Variants in POLR2E observed in about 807,000 individuals in gnomAD.
The protein encoded by POLR2E is DNA-directed RNA polymerases I, II, and III subunit RPABC1.
In POLR2E, 35 loss-of-function variants were observed where a neutral mutation model predicts 29.8. The ratio of observed to expected loss-of-function variants is 1.17; its 90% CI spans 0.90 to 1.55. The LOEUF (loss-of-function observed/expected upper bound fraction) is 1.55. Ranked by LOEUF, POLR2E falls within the 40% of genes most tolerant of loss-of-function variation. The pLI, the probability that POLR2E is intolerant of heterozygous loss-of-function variation, is 0.00. For missense variants in POLR2E, 287 were observed against 288.6 expected (o/e 0.99, Z 0.04); for synonymous variants, 174 against 112.6 (o/e 1.55, Z -3.45).
chr19:1,092,437 C>G (rs867107413), intron 2 of POLR2E: 2 of 152,878 alleles, frequency 1.3e-5, no homozygotes, highest in African/African-American at 4.8e-5. Context: ...CGCGGTGGCT[C>G]GCACCTGTAA....
intron 3 of POLR2E, chr19:1,091,569 C>A (rs1367936002): frequency 1.8e-6 from 1 of 567,330 alleles, no homozygotes; most frequent in East Asian, 3.0e-5. Context: ...CGCCCTGACG[C>A]CCCTCCTGAG....
At chr19:1,089,780 G>A (rs1019162438) in intron 6 of POLR2E, 104 bp downstream of exon 6, 9 of 970,022 alleles carry the variant, frequency 9.3e-6, no homozygotes, top group Admixed American at 4.2e-5. Flanking sequence ...TCCCCTCCAG[G>A]CCCTGGATCA....
chr19:1,089,347 C>T (rs1312915774), intron 7 of POLR2E, 125 bp downstream of exon 7: 2 of 650,398 alleles, frequency 3.1e-6, no homozygotes, highest in Non-Finnish European at 5.4e-6. Context: ...GCCTGGTGGC[C>T]CAGCTGGGCT....
intron 3 of POLR2E, 68 bp from the exon 4 acceptor site, chr19:1,091,056 C>G (rs1178956605): frequency 8.7e-6 from 12 of 1,386,796 alleles, no homozygotes; most frequent in Non-Finnish European, 1.0e-5. Flanking sequence ...TTTCCTGCCT[C>G]AAGCTACCTG....
At chr19:1,090,351 G>T (rs928013682) in intron 4 of POLR2E, among the ~76,000 whole-genome samples, 1 of 148,690 alleles carries the variant, frequency 6.7e-6, no homozygotes, top group South Asian at 2.2e-4. Flanking sequence ...TGAGGCAGAC[G>T]GGCTGGGCAC....
intron 1 of POLR2E, chr19:1,094,353 G>A (rs2043898943): frequency 2.2e-6 from 1 of 448,362 alleles, no homozygotes; most frequent in Non-Finnish European, 3.9e-6. Context: ...AGGGAGCAAA[G>A]CCCTCCAAAC....
chr19:1,090,699 T>A (rs952140204), intron 4 of POLR2E, among the ~76,000 whole-genome samples: 2 of 151,974 alleles, frequency 1.3e-5, no homozygotes, highest in South Asian at 2.1e-4. Flanking sequence ...ATTACATGTG[T>A]GAGCCACCGC....
chr19:1,093,943 T>G lies in POLR2E; in HGVS notation c.193A>C (p.Asn65His). 1 of 1,611,928 alleles carries G rather than the reference T, an allele frequency of 6.2e-7. No individual in the cohort carries two copies. The highest frequency in any genetic ancestry group is 8.5e-7 in the Non-Finnish European group (1 of 1,179,210). Residue 65 changes from asparagine (N) to histidine (H), a missense_variant, in exon 2 of 8, where the codon AAC becomes CAC. Physicochemically the swap from Asn to His is moderately conservative, Grantham distance 68 (BLOSUM62 1). Transcript: ENST00000615234. ...AACATCTGGTCGGTGGGGTCATCGT[T>G]GTGGGCCACCAGCACGGTGAGGTCC... The part of the protein sequence containing the change: ...RTDLTVLVAH[N>H]DDPTDQMFVF...
In POLR2E at chr19:1,087,051, C is replaced by A. The variant is rs1161844576; in HGVS notation, c.*1684G>T. On this transcript the variant is annotated 3_prime_UTR_variant, in exon 8 of 8. Coordinates refer to ENST00000615234, the MANE Select transcript of POLR2E (RefSeq NM_002695.5). ...TGTGGCCCAGGCTGGAGTACAGGAG[C>A]ACAATCGTAGCTCACTGCAGCCTCG... The A allele has an allele frequency of 6.6e-6, 1 of 151,556 alleles. No individual in the cohort carries two copies. The highest frequency in any genetic ancestry group is 1.5e-5 in the Non-Finnish European group (1 of 67,940). 9.4% of individuals were successfully genotyped at this position (151,556 alleles called of 1,614,324 possible).
rs760011436 is a variant in POLR2E, at chr19:1,091,836, C to G, written c.304G>C (p.Ala102Pro). The G allele has an allele frequency of 1.2e-6, 2 of 1,612,868 alleles. No homozygotes were observed. Among genetic ancestry groups the G allele is most frequent in the African/African-American group, 1.3e-5 (1 of 74,904 alleles). ...ATGCCCTGCTGCACCACGATGAGAG[C>G]CCGTGTGATGTTCTCCTCCTGCATG... ...QRMQEENITR[A>P]LIVVQQGMTP... Residue 102 changes from alanine (A) to proline (P), a missense_variant, in exon 3 of 8, where the codon GCT becomes CCT. Physicochemically the swap from Ala to Pro is conservative, Grantham distance 27. Transcript: ENST00000615234.
rs762125300 is a variant in POLR2E at position 1,089,483 on chromosome 19, T to C, written c.*3A>G. On this transcript the variant is annotated 3_prime_UTR_variant, in exon 7 of 8. Coordinates refer to ENST00000615234, the MANE Select transcript of POLR2E (RefSeq NM_002695.5). ...CTCGGCCGTCTCACCTGTCAGGCGGTAGCTACTGCACCAGCCGGTAGGTGA... is the reference window on the plus strand; with the variant it reads ...CTCGGCCGTCTCACCTGTCAGGCGGCAGCTACTGCACCAGCCGGTAGGTGA... The C allele has an allele frequency of 2.6e-5, 42 of 1,611,700 alleles. No homozygotes were observed. The highest frequency in any genetic ancestry group is 3.2e-5 in the Non-Finnish European group (38 of 1,178,334).
chr19:1,093,720 G>A (rs78560710), intron 2 of POLR2E, 184 bp downstream of exon 2: 1 of 1,387,386 alleles, frequency 7.2e-7, no homozygotes, highest in Non-Finnish European at 9.3e-7. Context: ...AAGAAGCTGA[G>A]CATGAGAGGG....
rs2043677369 is a variant in POLR2E, at chr19:1,086,714, GC to G, written c.*2020del. The G allele has an allele frequency of 6.6e-6, 1 of 151,976 alleles. No individual in the cohort carries two copies. Among genetic ancestry groups the G allele is most frequent in the Non-Finnish European group, 1.5e-5 (1 of 67,744 alleles). 9.4% of individuals were successfully genotyped at this position (151,976 alleles called of 1,614,324 possible). A position where few individuals can be genotyped will look rare whatever the true frequency, so the allele number is the denominator to read the frequency against. On this transcript the variant is annotated 3_prime_UTR_variant, in exon 8 of 8. Transcript: ENST00000615234. ...AGGGGCCAGGGAGGGGACAGAGAGA[GC>G]CCCGTGGCGTGGCCCTGGGCCTCCC...
At chr19:1,089,685 G>C in intron 6 of POLR2E, 134 bp from the exon 7 acceptor site, 1 of 833,432 alleles carries the variant, frequency 1.2e-6, no homozygotes, top group East Asian at 2.6e-5. Flanking sequence ...TGTGGGACCC[G>C]CTCCCTGGGA....
Position 1,093,914 on chromosome 19 carries a change from C to T in POLR2E, c.222G>A (p.Val74=). ...GGACCCGCTGCTCACCTGGAAAGAA[C>T]ACAAACATCTGGTCGGTGGGGTCAT... ...HNDDPTDQMF[V]FFPEEPKVGI... is the part of the protein sequence containing the mutation. The change falls in exon 2 of 8, where the codon GTG becomes GTA. Residue 74 remains valine, a synonymous_variant. Transcript: ENST00000615234. The T allele has an allele frequency of 6.2e-7, 1 of 1,600,214 alleles. No individual in the cohort carries two copies. Among genetic ancestry groups the T allele is most frequent in the Non-Finnish European group, 8.5e-7 (1 of 1,172,814 alleles).
In POLR2E at chr19:1,086,951, C is replaced by A. The variant is rs2043692730; in HGVS notation, c.*1784G>T. The A allele has an allele frequency of 6.6e-6, 1 of 152,092 alleles. No individual in the cohort carries two copies. The highest frequency in any genetic ancestry group is 1.5e-5 in the Non-Finnish European group (1 of 68,024). 9.4% of individuals were successfully genotyped at this position (152,092 alleles called of 1,614,324 possible). ...GTTTCGCACGTCAGCCCCACATGGC[C>A]ACCAAGCACTGGAAACGTGGCCCAT... On this transcript the variant is annotated 3_prime_UTR_variant, in exon 8 of 8. Transcript: ENST00000615234.
chr19:1,091,935 A>G (rs752423760), intron 2 of POLR2E, 28 bp from the exon 3 acceptor site: 4 of 1,536,808 alleles, frequency 2.6e-6, no homozygotes, highest in Non-Finnish European at 3.6e-6. Flanking sequence ...GCTGGCCTGC[A>G]CGAGCCTGGG....
chr19:1,093,458 CAG>C (rs2043879701), intron 2 of POLR2E, among the ~76,000 whole-genome samples: 1 of 151,100 alleles, frequency 6.6e-6, no homozygotes, highest in Non-Finnish European at 1.5e-5. Flanking sequence ...CGGACGCTGA[CAG>C]GGGAGAGGGG....
chr19:1,086,875 G>A lies in POLR2E; in HGVS notation c.*1860C>T, dbSNP rs534864959. On this transcript the variant is annotated 3_prime_UTR_variant, in exon 8 of 8. Coordinates refer to ENST00000615234, the MANE Select transcript of POLR2E (RefSeq NM_002695.5). ...CCTCGTCACGTCCACCTGCAGCCCA[G>A]GGCAGTCCAGGAAAACGTTCTCGAT... The A allele has an allele frequency of 7.2e-5, 11 of 152,064 alleles. No homozygotes were observed. The highest frequency in any genetic ancestry group is 1.3e-4 in the Non-Finnish European group (9 of 68,022). The allele number at this position is 152,064 out of a possible 1,614,324, so 9.4% of individuals were successfully genotyped here. A position where few individuals can be genotyped will look rare whatever the true frequency, so the allele number is the denominator to read the frequency against.
Sources: gnomAD v4.1 joint callset for allele counts (sites outside exome capture counted in the v4.1 genomes callset) on GRCh38, gnomAD v4.1.1 for gene constraint, MANE v1.5 for transcripts, NCBI Gene and HGNC (gene_info 2026-07-23, HGNC 2026-07-21) for gene names.